Variants in CD82 observed in about 807,000 individuals in gnomAD.
CD82 encodes the protein CD82 molecule.
In CD82, 36 loss-of-function variants were observed where a neutral mutation model predicts 37.4. The ratio of observed to expected loss-of-function variants is 0.96; its 90% confidence interval spans 0.74 to 1.27. CD82 has a LOEUF of 1.27. Ranked by LOEUF, CD82 falls within the 50% of genes most tolerant of loss-of-function variation. The pLI, the probability that CD82 is intolerant of heterozygous loss-of-function variation, is 0.00. For synonymous variants in CD82, 158 were observed against 137.4 expected (o/e 1.15, Z -1.05); for missense variants, 340 against 347.0 (o/e 0.98, Z 0.16).
At position 44,588,145 on chromosome 11, in the gene CD82, A is replaced by C. The variant is rs143059050; in HGVS notation, c.-21+589A>C. 1.1e-3 allele frequency among the ~76,000 whole-genome samples: 168 copies of C among 152,234 alleles called. 1 individual carries two copies. The highest frequency in any genetic ancestry group is 3.9e-3 in the African/African-American group (161 of 41,522). On this transcript the variant is annotated intron_variant, in intron 2 of 9. Coordinates refer to ENST00000227155, the MANE Select transcript of CD82 (RefSeq NM_002231.4). Reference sequence around the variant, plus strand: ...AGGAACTGCCGTCTATCCACAGCAGACCATGTGGCAGGCATTTTGCCCTAA... The same window carrying C: ...AGGAACTGCCGTCTATCCACAGCAGCCCATGTGGCAGGCATTTTGCCCTAA...
chr11:44,617,474 G>A lies in CD82; in HGVS notation c.439-688G>A, dbSNP rs1395837767. The stretch of plus-strand genomic sequence containing the variant: ...CTCAGGAGGCTGAAGCAGGAGAATC[G>A]TTTGAACCCTGGAGGTGGAGGTTGC... On this transcript the variant is annotated intron_variant, in intron 7 of 9. Coordinates refer to ENST00000227155, the MANE Select transcript of CD82 (RefSeq NM_002231.4). Among the ~76,000 whole-genome samples the A allele has an allele frequency of 8.7e-5, 13 of 148,742 alleles. No individual in the cohort carries two copies. In the East Asian group the frequency reaches 1.2e-3, roughly 14 times the overall value.
upstream of CD82, among the ~76,000 whole-genome samples, chr11:44,564,894 A>T (rs1852705066): frequency 6.6e-6 from 1 of 152,200 alleles, no homozygotes; most frequent in African/African-American, 2.4e-5. Context: ...CGCATTAGTA[A>T]AATAGGCGCA....
chr11:44,588,176 T>G (rs952621487), intron 2 of CD82, among the ~76,000 whole-genome samples: 1 of 152,028 alleles, frequency 6.6e-6, no homozygotes, highest in African/African-American at 2.4e-5. Context: ...CCTAATTTAA[T>G]GTCTGGACAA....
chr11:44,583,159 G>A (rs1853005437), intron 1 of CD82, among the ~76,000 whole-genome samples: 1 of 152,188 alleles, frequency 6.6e-6, no homozygotes, highest in Non-Finnish European at 1.5e-5. Flanking sequence ...GGGCTGTCTG[G>A]GGCCCAAGCA....
intron 1 of CD82, among the ~76,000 whole-genome samples, chr11:44,574,154 C>T (rs930711782): frequency 1.3e-5 from 2 of 152,122 alleles, no homozygotes; most frequent in Non-Finnish European, 2.9e-5. Flanking sequence ...TGAACCCAGC[C>T]TTGAGCTGGG....
intron 1 of CD82, among the ~76,000 whole-genome samples, chr11:44,581,817 G>A (rs1054352518): frequency 2.0e-5 from 3 of 152,192 alleles, no homozygotes; most frequent in Non-Finnish European, 4.4e-5. Flanking sequence ...CCCCTCTGAG[G>A]GCTAGACCTG....
Position 44,600,175 on chromosome 11 carries a change from C to T in CD82, c.81C>T (p.Ile27=), listed in dbSNP as rs1462648169. ...CCTTCCAGATCCTGGGCGCAGTGAT[C>T]CTGGGCTTCGGGGTGTGGATCCTGG... is the stretch of plus-strand genomic sequence containing the variant. ...NLIFFILGAV[I]LGFGVWILAD... is the part of the protein sequence containing the mutation. The change falls in exon 4 of 10, where the codon ATC becomes ATT. Residue 27 remains isoleucine, a synonymous_variant. Coordinates refer to ENST00000227155, the MANE Select transcript of CD82 (RefSeq NM_002231.4). The T allele has an allele frequency of 3.2e-5, 52 of 1,614,122 alleles. No individual in the cohort carries two copies. The highest frequency in any genetic ancestry group is 4.1e-5 in the Non-Finnish European group (48 of 1,179,986).
chr11:44,616,292 C>T (rs544872508), intron 7 of CD82, among the ~76,000 whole-genome samples: 1 of 152,194 alleles, frequency 6.6e-6, no homozygotes, highest in South Asian at 2.1e-4. Flanking sequence ...TGGCCCTGAC[C>T]GAGGAGATCA....
upstream of CD82, chr11:44,564,616 T>C (rs1358952350): frequency 4.9e-6 from 2 of 407,926 alleles, no homozygotes; most frequent in Non-Finnish European, 1.0e-5. Context: ...TTTGGGCCAC[T>C]TTTTCTTCAG....
chr11:44,574,031 C>T (rs938608490), intron 1 of CD82, among the ~76,000 whole-genome samples: 8 of 152,140 alleles, frequency 5.3e-5, no homozygotes, highest in African/African-American at 7.2e-5. Flanking sequence ...TCTTCCTGTC[C>T]GAAGGCTGAG....
At chr11:44,604,365 T>C (rs1853357372) in intron 4 of CD82, 2 of 155,828 alleles carry the variant, frequency 1.3e-5, no homozygotes, top group African/African-American at 4.8e-5. Flanking sequence ...TTGCATATTT[T>C]CAAATTCCAG....
intron 8 of CD82, 53 bp from the exon 9 acceptor site, chr11:44,618,587 G>A (rs1179740903): frequency 6.9e-7 from 1 of 1,456,050 alleles, no homozygotes; most frequent in African/African-American, 1.4e-5. Flanking sequence ...GTTCTGCATG[G>A]CGGGGTGGGA....
At chr11:44,610,080 G>C (rs1853458595) in intron 6 of CD82, among the ~76,000 whole-genome samples, 2 of 152,124 alleles carry the variant, frequency 1.3e-5, no homozygotes, top group African/African-American at 4.8e-5. Flanking sequence ...AGGAAGATGT[G>C]GGTCCAATTC....
At chr11:44,615,056 G>T (rs1458668027) in intron 6 of CD82, among the ~76,000 whole-genome samples, 1 of 152,170 alleles carries the variant, frequency 6.6e-6, no homozygotes, top group South Asian at 2.1e-4. Flanking sequence ...ATGTTTACAG[G>T]GCCAGGCTGC....
intron 2 of CD82, among the ~76,000 whole-genome samples, chr11:44,589,220 C>T (rs1853104421): frequency 6.6e-6 from 1 of 152,242 alleles, no homozygotes; most frequent in African/African-American, 2.4e-5. Context: ...TGTGCCACTG[C>T]ACTCCAGCCT....
chr11:44,603,926 A>G (rs1337582547), intron 4 of CD82, among the ~76,000 whole-genome samples: 3 of 152,134 alleles, frequency 2.0e-5, no homozygotes, highest in Admixed American at 1.3e-4. Context: ...CCAATCTTCA[A>G]ATAACCAAGC....
At chr11:44,590,202 T>A (rs1323011472) in intron 2 of CD82, among the ~76,000 whole-genome samples, 1 of 122,330 alleles carries the variant, frequency 8.2e-6, no homozygotes, top group African/African-American at 3.2e-5. Context: ...CCAGCAGGCT[T>A]TTTCTGTAAA....
intron 2 of CD82, among the ~76,000 whole-genome samples, chr11:44,593,315 G>A (rs1042942108): frequency 6.6e-6 from 1 of 152,192 alleles, no homozygotes; most frequent in Non-Finnish European, 1.5e-5. Context: ...CCTCCATAAG[G>A]CAGGGAAACA....
At chr11:44,616,826 CTTGG>C (rs1853571424) in intron 7 of CD82, among the ~76,000 whole-genome samples, 1 of 152,136 alleles carries the variant, frequency 6.6e-6, no homozygotes, top group African/African-American at 2.4e-5. Context: ...CAAGGGGTTG[CTTGG>C]AAGGAGGCTC....
Sources: allele counts gnomAD v4.1 joint callset (sites outside exome capture counted in the v4.1 genomes callset), GRCh38; gene constraint gnomAD v4.1.1; transcripts MANE v1.5; gene names NCBI Gene and HGNC (gene_info 2026-07-23, HGNC 2026-07-21).